The following TRMT6 variants were observed in gnomAD, a reference collection of about 807,000 sequenced individuals.
The protein encoded by TRMT6 is tRNA methyltransferase 6 non-catalytic subunit, also known as tRNA (adenine(58)-N(1))-methyltransferase non-catalytic subunit TRM6.
Under a neutral mutation model 59.0 loss-of-function variants are expected in TRMT6, and 34 were observed. The ratio of observed to expected loss-of-function variants is 0.58; its 90% confidence interval spans 0.44 to 0.77. The LOEUF (loss-of-function observed/expected upper bound fraction) is 0.77. TRMT6 is among the 30% of genes least tolerant of loss of function. The pLI is 0.00. For synonymous variants in TRMT6, 217 were observed against 210.5 expected, an observed-to-expected ratio of 1.03 and a Z score of -0.27; for missense variants, 575 against 604.5, an observed-to-expected ratio of 0.95 and a Z score of 0.51.
At position 5,944,276 on chromosome 20, in the gene TRMT6, AT is replaced by A. The variant is rs754226612; in HGVS notation, c.367-24del. 35 of 1,403,980 alleles carry A rather than the reference AT, an allele frequency of 2.5e-5. 1 individual carries two copies. In the South Asian group the frequency reaches 4.4e-4, roughly 18 times the overall value. 87.0% of individuals were successfully genotyped at this position (1,403,980 alleles called of 1,614,324 possible). A position where few individuals can be genotyped will look rare whatever the true frequency, so the allele number is the denominator to read the frequency against. On this transcript the variant is annotated intron_variant, in intron 3 of 10. Transcript: ENST00000203001. ...TTCCTATAAGAAAAGGAGCAAGTAGATTTTCTGAAACTTTACTTTCACAAAA... is the reference window on the plus strand; with the variant it reads ...TTCCTATAAGAAAAGGAGCAAGTAGATTTCTGAAACTTTACTTTCACAAAA...
At chr20:5,941,221 G>C (rs1019930774) in intron 9 of TRMT6, 22 bp downstream of exon 9, 2 of 1,608,244 alleles carry the variant, frequency 1.2e-6, no homozygotes, top group Non-Finnish European at 1.7e-6. Context: ...AAGAATTCCT[G>C]CCCATTCCAT....
rs556302184 is a variant in TRMT6 at position 5,944,387 on chromosome 20, T to C, written c.367-134A>G. 196 of 544,266 alleles carry C rather than the reference T, an allele frequency of 3.6e-4. 3 individuals carry two copies. The Middle Eastern group carries it at 7.9e-3, about 22-fold the overall frequency. 33.7% of individuals were successfully genotyped at this position (544,266 alleles called of 1,614,324 possible). On this transcript the variant is annotated intron_variant, in intron 3 of 10. Coordinates refer to ENST00000203001, the MANE Select transcript of TRMT6 (RefSeq NM_015939.5). The stretch of plus-strand genomic sequence containing the variant: ...CCTTTTCCACAGAAGTCCAAATAGA[T>C]GAACTTTATATTTCTATACTCTATT...
At position 5,938,655 on chromosome 20, in the gene TRMT6, G is replaced by C; in HGVS notation, c.1374C>G (p.Thr458=). ...CTGCTTTAAGGTTGTCCATGGCAAC[G>C]GTGAAGCCGGAGAGAAGATAACCCC... The part of the protein sequence containing the change: ...GGGGYLLSGF[T]VAMDNLKADT... The change falls in exon 11 of 11, where the codon ACC becomes ACG. Residue 458 remains threonine (T), a synonymous_variant. Coordinates refer to ENST00000203001, the MANE Select transcript of TRMT6 (RefSeq NM_015939.5). 3 of 1,614,168 alleles carry C rather than the reference G, an allele frequency of 1.9e-6. No homozygotes were observed. Among genetic ancestry groups the C allele is most frequent in the Non-Finnish European group, 2.5e-6 (3 of 1,180,022 alleles).
chr20:5,939,450 C>A (rs1404985770), intron 10 of TRMT6, among the ~76,000 whole-genome samples: 4 of 146,628 alleles, frequency 2.7e-5, no homozygotes, highest in Admixed American at 6.8e-5. Context: ...CACTGCACCC[C>A]ACCTGGGCGA....
chr20:5,944,642 A>G (rs2088689260), intron 3 of TRMT6, among the ~76,000 whole-genome samples, 163 bp downstream of exon 3: 1 of 152,202 alleles, frequency 6.6e-6, no homozygotes, highest in Non-Finnish European at 1.5e-5. Context: ...TATAAGACAT[A>G]AAATCTTTGA....
intron 1 of TRMT6, among the ~76,000 whole-genome samples, chr20:5,949,817 G>A (rs1239522716): frequency 6.6e-6 from 1 of 152,158 alleles, no homozygotes; most frequent in East Asian, 1.9e-4. Context: ...GAACCTGAAG[G>A]AGACTCTGGA....
chr20:5,946,459 A>C lies in TRMT6; in HGVS notation c.203T>G (p.Val68Gly), dbSNP rs1568560054. Residue 68 changes from valine to glycine, a missense_variant, in exon 2 of 11, where the codon GTG (valine) becomes GGG (glycine). Coordinates refer to ENST00000203001, the MANE Select transcript of TRMT6 (RefSeq NM_015939.5). ...IGHSYGTAFE[V>G]TSGGSLQPKK... Reference sequence around the variant, plus strand: ...GGGCTGTAGACTTCCTCCACTGGTCACTTCAAATGCAGTTCCATAACTATG... The same window carrying C: ...GGGCTGTAGACTTCCTCCACTGGTCCCTTCAAATGCAGTTCCATAACTATG... 6.2e-6 allele frequency: 10 copies of C among 1,614,164 alleles called. No homozygotes were observed. Among genetic ancestry groups the C allele is most frequent in the Non-Finnish European group, 8.5e-6 (10 of 1,180,014 alleles).
chr20:5,946,509 C>T lies in TRMT6; in HGVS notation c.153G>A (p.Trp51Ter). ...RRKKVTFEKQWFYLDNVIGHS... is the reference protein window; with the variant it reads ...RRKKVTFEKQ ...GGCCAATGACGTTATCCAGGTAGAA[C>T]CACTGTTTTTCGAAAGTTACTTTTC... The change falls in exon 2 of 11, where the codon TGG becomes TGA. Residue 51 changes from tryptophan to a stop codon, truncating the protein, a stop_gained. Transcript: ENST00000203001. LOFTEE classifies it high-confidence loss of function. 1 of 1,614,074 alleles carries T rather than the reference C, an allele frequency of 6.2e-7. No individual in the cohort carries two copies. Among genetic ancestry groups the T allele is most frequent in the Non-Finnish European group, 8.5e-7 (1 of 1,180,008 alleles).
chr20:5,946,368 G>C (rs999220929), intron 2 of TRMT6, 38 bp downstream of exon 2: 1 of 1,613,690 alleles, frequency 6.2e-7, no homozygotes, highest in Admixed American at 1.7e-5. Flanking sequence ...TGACTAGTCA[G>C]TTGGAGAGCA....
Position 5,950,355 on chromosome 20 carries a change from G to A in TRMT6, c.51C>T (p.Asp17=). 1 of 1,611,768 alleles carries A rather than the reference G, an allele frequency of 6.2e-7. No homozygotes were observed. Among genetic ancestry groups the A allele is most frequent in the South Asian group, 1.1e-5 (1 of 91,068 alleles). The change falls in exon 1 of 11, where the codon GAC becomes GAT. Residue 17 remains aspartate, a synonymous_variant. Transcript: ENST00000203001. Reference sequence around the variant, plus strand: ...CGAAGTCGCCGTCGCGGATGCGGTGGTCTCCGGGATGCTGTGGTTGTGGGC... The same window carrying A: ...CGAAGTCGCCGTCGCGGATGCGGTGATCTCCGGGATGCTGTGGTTGTGGGC... ...QPGPQPQHPG[D]HRIRDGDFVV...
chr20:5,950,152 C>A lies in TRMT6; in HGVS notation c.128+126G>T. ...GAAAGACCCGAGGAGACAACGAGGG[C>A]GGGGAATGGGGACCGAGAGAGCCAA... On this transcript the variant is annotated intron_variant, in intron 1 of 10. Coordinates refer to ENST00000203001, the MANE Select transcript of TRMT6 (RefSeq NM_015939.5). 10 of 982,492 alleles carry A rather than the reference C, an allele frequency of 1.0e-5. No individual in the cohort carries two copies. In the South Asian group the frequency reaches 1.5e-4, roughly 15 times the overall value. The allele number at this position is 982,492 out of a possible 1,614,324, so 60.9% of individuals were successfully genotyped here. A position where few individuals can be genotyped will look rare whatever the true frequency, so the allele number is the denominator to read the frequency against.
intron 6 of TRMT6, 122 bp downstream of exon 6, chr20:5,943,437 A>G (rs1200231723): frequency 7.5e-7 from 1 of 1,332,514 alleles, no homozygotes; most frequent in African/African-American, 1.5e-5. Flanking sequence ...GTGCAGGTTC[A>G]CCCAAGTCAC....
chr20:5,945,063 A>C, intron 2 of TRMT6, 149 bp from the exon 3 acceptor site: 1 of 613,190 alleles, frequency 1.6e-6, no homozygotes, highest in Non-Finnish European at 2.9e-6. Context: ...TTTCCTGCCA[A>C]AACTACTCCA....
chr20:5,942,613 C>T lies in TRMT6; in HGVS notation c.841G>A (p.Asp281Asn). The change falls in exon 7 of 11, where the codon GAC becomes AAC. Residue 281 changes from aspartate (D) to asparagine (N), a missense_variant. Transcript: ENST00000203001. ...SAKMLSSEPK[D>N]SALVEESNGT... ...TTACTTTCTTCAACCAAAGCACTGT[C>T]TTTTGGCTCTGAAGATAACATCTTG... 1.2e-6 allele frequency: 2 copies of T among 1,614,146 alleles called. No homozygotes were observed.
At chr20:5,941,913 T>C (rs115034066) in intron 8 of TRMT6, 38 bp downstream of exon 8, 4 of 1,529,118 alleles carry the variant, frequency 2.6e-6, no homozygotes, top group Middle Eastern at 1.7e-4. Context: ...AGAGCCCACA[T>C]GCACTGAGGA....
chr20:5,944,889 A>AT lies in TRMT6; in HGVS notation c.281dup (p.Asn94LysfsTer6). On this transcript the variant is annotated frameshift_variant, in exon 3 of 11. Transcript: ENST00000203001. LOFTEE classifies it high-confidence loss of function. ...ATTTCCCATCATCAACTATATTTCG[A>AT]TTATCAGTGCCCGCTTCTTTAGTCT... The AT allele has an allele frequency of 6.2e-7, 1 of 1,613,872 alleles. No individual in the cohort carries two copies. The highest frequency in any genetic ancestry group is 8.5e-7 in the Non-Finnish European group (1 of 1,179,810).
chr20:5,938,201 T>G lies in TRMT6; in HGVS notation c.*334A>C, dbSNP rs769702062. ...CCCGCCATGTTTTAGTTACGTTGTA[T>G]TATTCCACTTAGCTTAAAATATAAA... On this transcript the variant is annotated 3_prime_UTR_variant, in exon 11 of 11. Transcript: ENST00000203001. 5.1e-6 allele frequency: 1 copy of G among 197,714 alleles called. No individual in the cohort carries two copies. Among genetic ancestry groups the G allele is most frequent in the African/African-American group, 2.3e-5 (1 of 43,450 alleles). 12.2% of individuals were successfully genotyped at this position (197,714 alleles called of 1,614,324 possible).
At position 5,941,136 on chromosome 20, in the gene TRMT6, G is replaced by C. The variant is rs2088652347; in HGVS notation, c.1219C>G (p.Leu407Val). 6.2e-7 allele frequency: 1 copy of C among 1,613,932 alleles called. No homozygotes were observed. The change falls in exon 10 of 11, where the codon CTG becomes GTG. Residue 407 changes from leucine to valine, a missense_variant. By Grantham distance (32) the Leu-to-Val change is conservative. Transcript: ENST00000203001. ...FVVYCQYKEP[L>V]LECYTKLRER... is the part of the protein sequence containing the mutation. ...CGCAGTTTTGTGTAGCATTCCAACA[G>C]AGGCTGCAGACAACAACAGAATTCT...
chr20:5,945,202 A>G (rs1428596833), intron 2 of TRMT6, among the ~76,000 whole-genome samples: 1 of 152,248 alleles, frequency 6.6e-6, no homozygotes, highest in African/African-American at 2.4e-5. Flanking sequence ...GGCTTCCCAT[A>G]GCAATAAGAA....
Sources: allele counts gnomAD v4.1 joint callset (sites outside exome capture counted in the v4.1 genomes callset), GRCh38; gene constraint gnomAD v4.1.1; transcripts MANE v1.5; gene names NCBI Gene and HGNC (gene_info 2026-07-23, HGNC 2026-07-21).